Variants in TG observed in about 807,000 individuals in gnomAD.
TG encodes the protein thyroid hormones.
A neutral mutation model predicts 324.7 loss-of-function variants in TG; 270 were observed. That is an observed-to-expected ratio of 0.83 (90% CI 0.75 to 0.92). The LOEUF (loss-of-function observed/expected upper bound fraction) is 0.92. Ranked by LOEUF, TG falls within the 40% of genes least tolerant of loss-of-function variation. TG has a pLI of 0.00. For synonymous variants in TG, 1,401 were observed against 1,327.0 expected, an observed-to-expected ratio of 1.06 and a Z score of -1.21; for missense variants, 3,591 against 3,456.4, an observed-to-expected ratio of 1.04 and a Z score of -0.98.
At chr8:132,926,681 G>T (rs864897) in intron 22 of TG, among the ~76,000 whole-genome samples, 61,207 of 152,060 alleles carry the variant, frequency 0.4, 15,147 homozygotes, top group Admixed American at 0.53. Context: ...CTTAGGAAAG[G>T]TGTTCTGCAG....
At chr8:132,872,194 A>G (rs536930475) in intron 4 of TG, among the ~76,000 whole-genome samples, 1 of 152,250 alleles carries the variant, frequency 6.6e-6, no homozygotes, top group South Asian at 2.1e-4. Flanking sequence ...AAGTAAAAAT[A>G]TTGGCCGGGC....
At chr8:133,036,093 T>C (rs1205851603) in intron 41 of TG, among the ~76,000 whole-genome samples, 1 of 152,208 alleles carries the variant, frequency 6.6e-6, no homozygotes, top group Non-Finnish European at 1.5e-5. Flanking sequence ...AATTGCCCCA[T>C]TATTCCTGCT....
chr8:133,045,517 C>T (rs1839197546), intron 41 of TG, among the ~76,000 whole-genome samples: 1 of 151,602 alleles, frequency 6.6e-6, no homozygotes, highest in Admixed American at 6.6e-5. Context: ...ACCTCAGCCT[C>T]CAGAGTAGCT....
At position 132,893,876 on chromosome 8, in the gene TG, C is replaced by T. The variant is rs370350125; in HGVS notation, c.2948C>T (p.Ala983Val). The change falls in exon 11 of 48, where the codon GCG becomes GTG. Residue 983 changes from alanine to valine, a missense_variant. By Grantham distance (64) the Ala-to-Val change is moderately conservative. Transcript: ENST00000220616. ...CTCTTCCCGCCCCGGGAGGCTTTCG[C>T]GGAGCAGTTTCTGCGTGGGAGTGAT... Reference protein sequence around the residue: ...PPLFPPREAFAEQFLRGSDYA... With the variant: ...PPLFPPREAFVEQFLRGSDYA... 6 of 1,613,940 alleles carry T rather than the reference C, an allele frequency of 3.7e-6. No homozygotes were observed. In the Admixed American group the frequency reaches 5.0e-5, roughly 13 times the overall value.
intron 41 of TG, chr8:133,064,074 T>G (rs1842755504): frequency 6.6e-6 from 1 of 152,240 alleles, no homozygotes; most frequent in Admixed American, 6.5e-5. Flanking sequence ...GGTGTGACTC[T>G]TAGGTTTCTG....
chr8:132,882,776 G>A (rs1563902688), intron 7 of TG, 38 bp from the exon 8 acceptor site: 4 of 1,613,940 alleles, frequency 2.5e-6, no homozygotes, highest in Middle Eastern at 1.7e-4. Flanking sequence ...ACCAAGCATT[G>A]TTGACACTGT....
intron 41 of TG, chr8:133,087,833 T>A (rs1210188720): frequency 2.6e-5 from 4 of 152,094 alleles, no homozygotes; most frequent in Non-Finnish European, 4.4e-5. Context: ...TCACGTGACC[T>A]CCTCCAGCTG....
At chr8:133,015,912 T>C (rs575095943) in intron 37 of TG, among the ~76,000 whole-genome samples, 4 of 152,354 alleles carry the variant, frequency 2.6e-5, no homozygotes, top group Middle Eastern at 3.4e-3. Context: ...AGGCTTCATT[T>C]GCTCTTTTTT....
intron 26 of TG, among the ~76,000 whole-genome samples, chr8:132,943,636 G>A (rs910721985): frequency 2.6e-5 from 4 of 151,982 alleles, no homozygotes; most frequent in Admixed American, 6.6e-5. Context: ...CATGTGCATG[G>A]CACCACAGAG....
At position 132,901,510 on chromosome 8, in the gene TG, G is replaced by A; in HGVS notation, c.3591G>A (p.Glu1197=). ...GGTGTGTCATGGACAGCGGAGAAGA[G>A]GTGCCTGGGACGCGCGTGACCGGGG... The part of the protein sequence containing the change: ...SCWCVMDSGE[E]VPGTRVTGGQ... The change falls in exon 16 of 48, where the codon GAG becomes GAA. Residue 1197 remains glutamate (E), a synonymous_variant. Coordinates refer to ENST00000220616, the MANE Select transcript of TG (RefSeq NM_003235.5). 1 of 1,614,040 alleles carries A rather than the reference G, an allele frequency of 6.2e-7. No individual in the cohort carries two copies. Among genetic ancestry groups the A allele is most frequent in the Non-Finnish European group, 8.5e-7 (1 of 1,180,046 alleles).
intron 35 of TG, among the ~76,000 whole-genome samples, chr8:132,999,054 A>C (rs1244975949): frequency 4.6e-5 from 7 of 152,196 alleles, no homozygotes; most frequent in African/African-American, 9.7e-5. Context: ...CCAGGACTGC[A>C]GCCCAGAGTG....
intron 35 of TG, among the ~76,000 whole-genome samples, chr8:132,986,178 A>G (rs948233498): frequency 4.6e-5 from 7 of 151,800 alleles, no homozygotes; most frequent in African/African-American, 1.7e-4. Context: ...TTTAGAAGTT[A>G]CTCTGTGTCA....
At position 132,898,226 on chromosome 8, in the gene TG, G is replaced by A. The variant is rs116119508; in HGVS notation, c.3197G>A (p.Arg1066His). The change falls in exon 13 of 48, where the codon CGC becomes CAC. Residue 1066 changes from arginine to histidine, a missense_variant. Arg to His is a conservative substitution (Grantham distance 29). Transcript: ENST00000220616. ...GGFIPGSLTA[R>H]SLQIPQCPTT... The stretch of plus-strand genomic sequence containing the variant: ...TTCATCCCTGGCTCACTGACTGCCC[G>A]CTCTCTGCAGATTCCACAGTGTAAG... 2.4e-4 allele frequency: 377 copies of A among 1,601,776 alleles called. 4 individuals are homozygous for A. The East Asian group carries it at 7.6e-3, about 32-fold the overall frequency.
At chr8:132,982,431 A>G (rs1479107450) in intron 34 of TG, among the ~76,000 whole-genome samples, 2 of 152,192 alleles carry the variant, frequency 1.3e-5, no homozygotes, top group African/African-American at 4.8e-5. Context: ...GGAAGAAGAT[A>G]ATTTGCATTT....
intron 43 of TG, chr8:133,102,912 T>C (rs1849446384): frequency 3.3e-6 from 1 of 304,012 alleles, no homozygotes; most frequent in Non-Finnish European, 6.5e-6. Flanking sequence ...TGGGTAGCAG[T>C]AGGGGGAGGG....
chr8:133,094,245 T>TTC lies in TG; in HGVS notation c.7240-798_7240-797insCT, dbSNP rs774747182. On this transcript the variant is annotated intron_variant, in intron 41 of 47. Transcript: ENST00000220616. The stretch of plus-strand genomic sequence containing the variant: ...GAAAGAAGAAACCTGTCGTTTTCTT[T>TTC]TTTTTTTTTTTTTTTGATGGAGTCT... Among the ~76,000 whole-genome samples the TTC allele has an allele frequency of 3.8e-3, 556 of 144,422 alleles. 2 individuals carry two copies. The highest frequency in any genetic ancestry group is 7.2e-3 in the Middle Eastern group (2 of 278). The allele number at this position is 144,422 out of a possible 152,430, so 94.7% of individuals were successfully genotyped here.
In TG at chr8:132,873,208, CA is replaced by C; in HGVS notation, c.626del (p.His209ProfsTer11). 2 of 1,614,050 alleles carry C rather than the reference CA, an allele frequency of 1.2e-6. No homozygotes were observed. The highest frequency in any genetic ancestry group is 1.1e-5 in the South Asian group (1 of 91,076). On this transcript the variant is annotated frameshift_variant, in exon 5 of 48. Coordinates refer to ENST00000220616, the MANE Select transcript of TG (RefSeq NM_003235.5). LOFTEE classifies it high-confidence loss of function. The stretch of plus-strand genomic sequence containing the variant: ...AGACATGATGATTTTTGATCTGGTC[CA>C]CAGCTACAACAGGTAAGGGGAGCAG... Reference protein sequence around the residue: ...TTDMMIFDLVHSYNRFPDAFV... With the variant: ...TTDMMIFDLVXSYNRFPDAFV...
At chr8:132,880,626 T>G (rs182285918) in intron 5 of TG, among the ~76,000 whole-genome samples, 1 of 152,356 alleles carries the variant, frequency 6.6e-6, no homozygotes, top group East Asian at 1.9e-4. Flanking sequence ...GCTTTTGTTT[T>G]GCATATCCAT....
At chr8:132,868,006 A>G in intron 1 of TG, 109 bp from the exon 2 acceptor site, 4 of 954,572 alleles carry the variant, frequency 4.2e-6, no homozygotes, top group South Asian at 1.3e-5. Context: ...ATAGGCTGTC[A>G]TAGGTAATGA....
Sources: gnomAD v4.1 joint callset for allele counts (sites outside exome capture counted in the v4.1 genomes callset) on GRCh38, gnomAD v4.1.1 for gene constraint, MANE v1.5 for transcripts, NCBI Gene and HGNC (gene_info 2026-07-23, HGNC 2026-07-21) for gene names.